Variants in GPI observed in about 807,000 individuals in gnomAD.
The protein encoded by GPI is D-hexose-6-phosphate anomerase.
Under a neutral mutation model 75.8 loss-of-function variants are expected in GPI, and 56 were observed. That is an observed-to-expected ratio of 0.74 (90% CI 0.60 to 0.92). The LOEUF is 0.92. Among genes scored for constraint, GPI ranks in the 40% least tolerant of loss-of-function variants. GPI has a pLI of 0.00. For synonymous variants in GPI, 288 were observed against 285.4 expected, an observed-to-expected ratio of 1.01 and a Z score of -0.09; for missense variants, 638 against 741.0, an observed-to-expected ratio of 0.86 and a Z score of 1.61.
intron 4 of GPI, 74 bp from the exon 5 acceptor site, chr19:34,377,429 G>A (rs978689269): frequency 2.0e-5 from 22 of 1,083,910 alleles, no homozygotes; most frequent in Non-Finnish European, 2.8e-5. Context: ...ACCAGGACAC[G>A]GCAGTAATGA....
At chr19:34,362,047 G>A (rs866318618), upstream of GPI, among the ~76,000 whole-genome samples, 2 of 151,120 alleles carry the variant, frequency 1.3e-5, no homozygotes, top group Non-Finnish European at 2.9e-5. Context: ...CCAGGGAGTC[G>A]GAGGTTGCAG....
Position 34,396,421 on chromosome 19 carries a change from A to G in GPI, c.1183A>G (p.Ile395Val), listed in dbSNP as rs1387615709. 1.2e-6 allele frequency: 2 copies of G among 1,613,494 alleles called. No homozygotes were observed. The highest frequency in any genetic ancestry group is 1.1e-5 in the South Asian group (1 of 91,056). The change falls in exon 13 of 18, where the codon ATC becomes GTC. Residue 395 changes from isoleucine (I) to valine (V), a missense_variant. Ile to Val is a conservative substitution (Grantham distance 29, BLOSUM62 3). Transcript: ENST00000356487. The part of the protein sequence containing the change: ...TNGQHAFYQL[I>V]HQGTKMIPCD... ...TGGCCAGCATGCTTTTTACCAGCTC[A>G]TCCACCAAGGTAGGCCCCTGTGGCC... is the stretch of plus-strand genomic sequence containing the variant.
chr19:34,362,089 T>C (rs1051526406), upstream of GPI, among the ~76,000 whole-genome samples: 12 of 133,810 alleles, frequency 9.0e-5, no homozygotes, highest in African/African-American at 3.5e-4. Flanking sequence ...CACTCTGGCC[T>C]GGTGATAGAG....
intron 9 of GPI, among the ~76,000 whole-genome samples, chr19:34,387,323 A>G (rs2074751267): frequency 6.6e-6 from 1 of 152,258 alleles, no homozygotes; most frequent in Non-Finnish European, 1.5e-5. Flanking sequence ...CTGCCGATGC[A>G]GGCTCAGTGC....
chr19:34,381,964 T>C (rs748693165), intron 9 of GPI, among the ~76,000 whole-genome samples: 27 of 152,066 alleles, frequency 1.8e-4, no homozygotes, highest in Non-Finnish European at 3.2e-4. Context: ...GGGGGTGGCG[T>C]AGAGGAGGCG....
chr19:34,369,587 A>G (rs944193680), intron 4 of GPI, among the ~76,000 whole-genome samples: 3 of 152,010 alleles, frequency 2.0e-5, no homozygotes, highest in Admixed American at 6.6e-5. Flanking sequence ...TACGCCTGCA[A>G]TCCCAGCTAC....
chr19:34,394,006 G>T lies in GPI; in HGVS notation c.1002G>T (p.Glu334Asp). The T allele has an allele frequency of 6.2e-7, 1 of 1,613,148 alleles. No homozygotes were observed. ...GGTACATCAACTGCTTTGGGTGTGA[G>T]ACACACGCCATGCTGCCCTATGACC... ...GIWYINCFGC[E>D]THAMLPYDQY... The change falls in exon 12 of 18, where the codon GAG becomes GAT. Residue 334 changes from glutamate (E) to aspartate (D), a missense_variant. Transcript: ENST00000356487.
rs1568333203 is a variant in GPI at position 34,377,333 on chromosome 19, A to T, written c.403-170A>T. ...AAAAAAAAAAAAAAAAAAAAAAAAA[A>T]AAAATATATATATATATATATATAT... is the stretch of plus-strand genomic sequence containing the variant. On this transcript the variant is annotated intron_variant, in intron 4 of 17. Coordinates refer to ENST00000356487, the MANE Select transcript of GPI (RefSeq NM_000175.5). Among the ~76,000 whole-genome samples the T allele has an allele frequency of 3.5e-5, 3 of 86,664 alleles. 1 individual carries two copies. Among genetic ancestry groups the T allele is most frequent in the Non-Finnish European group, 6.2e-5 (3 of 48,460 alleles). 56.9% of individuals were successfully genotyped at this position (86,664 alleles called of 152,430 possible).
At chr19:34,398,669 T>G (rs2074978303) in intron 14 of GPI, 1 of 153,102 alleles carries the variant, frequency 6.5e-6, no homozygotes, top group South Asian at 2.1e-4. Flanking sequence ...AGATAGATGT[T>G]GGTAAAATTG....
At position 34,399,616 on chromosome 19, in the gene GPI, C is replaced by T. The variant is rs374583873; in HGVS notation, c.1459C>T (p.Leu487Phe). The change falls in exon 16 of 18, where the codon CTT becomes TTT. Residue 487 changes from leucine (L) to phenylalanine (F), a missense_variant. Physicochemically the swap from Leu to Phe is conservative, Grantham distance 22. Coordinates refer to ENST00000356487, the MANE Select transcript of GPI (RefSeq NM_000175.5). The stretch of plus-strand genomic sequence containing the variant: ...GTTCACCAAGCTCACACCATTCATG[C>T]TTGGAGCCTTGGTCGGTGAGTGAGT... ...IVFTKLTPFM[L>F]GALVAMYEHK... 6.2e-7 allele frequency: 1 copy of T among 1,614,158 alleles called. No individual in the cohort carries two copies. Among genetic ancestry groups the T allele is most frequent in the Non-Finnish European group, 8.5e-7 (1 of 1,180,010 alleles).
Position 34,393,837 on chromosome 19 carries a change from C to T in GPI, c.909+66C>T, listed in dbSNP as rs754588714. Reference sequence around the variant, plus strand: ...GGCGCGTGTGTTGGTCCTGGTCCCCCGCTTTCTCCCCCACTGTCCTGTCCC... The same window carrying T: ...GGCGCGTGTGTTGGTCCTGGTCCCCTGCTTTCTCCCCCACTGTCCTGTCCC... On this transcript the variant is annotated intron_variant, in intron 11 of 17. Coordinates refer to ENST00000356487, the MANE Select transcript of GPI (RefSeq NM_000175.5). This position sits in a 1 kb window ranked among gnomAD's most constrained non-coding sequence, Gnocchi z 4.4. 121 of 1,603,152 alleles carry T rather than the reference C, an allele frequency of 7.5e-5. 1 individual carries two copies. The highest frequency in any genetic ancestry group is 5.2e-4 in the Admixed American group (31 of 60,008).
intron 15 of GPI, 93 bp downstream of exon 15, chr19:34,399,428 G>A (rs997962211): frequency 6.3e-6 from 10 of 1,583,336 alleles, no homozygotes; most frequent in Middle Eastern, 1.7e-4. Context: ...TGCCTGGCTT[G>A]TCCTACAGAA....
chr19:34,383,375 T>G (rs773334443), intron 9 of GPI, among the ~76,000 whole-genome samples: 2 of 152,110 alleles, frequency 1.3e-5, no homozygotes, highest in African/African-American at 4.8e-5. Context: ...GCCAAAGCTA[T>G]GTATGTGCAT....
In GPI at chr19:34,365,550, T is replaced by G; in HGVS notation, c.122+162T>G. ...CCGAGTCCGCACTTCGTCCTTGGAG[T>G]CTCCTTGGAGTGCGTTCCTGGGGGC... On this transcript the variant is annotated intron_variant, in intron 1 of 17. Coordinates refer to ENST00000356487, the MANE Select transcript of GPI (RefSeq NM_000175.5). 4.2e-6 allele frequency: 5 copies of G among 1,202,906 alleles called. No individual in the cohort carries two copies. In the South Asian group the frequency reaches 6.5e-5, roughly 16 times the overall value. The allele number at this position is 1,202,906 out of a possible 1,614,324, so 74.5% of individuals were successfully genotyped here. A position where few individuals can be genotyped will look rare whatever the true frequency, so the allele number is the denominator to read the frequency against.
Position 34,400,666 on chromosome 19 carries a change from A to G in GPI, c.*630A>G. On this transcript the variant is annotated 3_prime_UTR_variant, in exon 18 of 18. Transcript: ENST00000356487. Reference sequence around the variant, plus strand: ...GGTGAATTCCTGGACAAGACCGAGGATGACTGCCATCTCCTGGCAAGACGC... The same window carrying G: ...GGTGAATTCCTGGACAAGACCGAGGGTGACTGCCATCTCCTGGCAAGACGC... 1 of 404,724 alleles carries G rather than the reference A, an allele frequency of 2.5e-6. No homozygotes were observed. The highest frequency in any genetic ancestry group is 3.5e-5 in the East Asian group (1 of 28,252). 25.1% of individuals were successfully genotyped at this position (404,724 alleles called of 1,614,324 possible). A position where few individuals can be genotyped will look rare whatever the true frequency, so the allele number is the denominator to read the frequency against.
At chr19:34,364,702 C>T, upstream of GPI, 1 of 390,196 alleles carries the variant, frequency 2.6e-6, no homozygotes, top group Non-Finnish European at 4.6e-6. Context: ...TTAATTGCAA[C>T]CCCGATTCTC....
At chr19:34,375,166 G>A (rs1400262505) in intron 4 of GPI, among the ~76,000 whole-genome samples, 6 of 140,148 alleles carry the variant, frequency 4.3e-5, no homozygotes, top group Admixed American at 3.5e-4. Context: ...TTTTTAAGAC[G>A]GAGTCTTGCT....
intron 6 of GPI, 70 bp downstream of exon 6, chr19:34,377,951 C>G (rs2074575548): frequency 2.0e-6 from 3 of 1,531,660 alleles, no homozygotes; most frequent in Admixed American, 1.7e-5. Context: ...AGCTGTCTTG[C>G]CATCCCCCTG....
At chr19:34,397,229 G>A (rs2074959088) in intron 14 of GPI, 1 of 159,720 alleles carries the variant, frequency 6.3e-6, no homozygotes, top group African/African-American at 2.4e-5. Context: ...GACCTTAGGG[G>A]AAAAGCCTTT....
Sources: gnomAD v4.1 joint callset for allele counts (sites outside exome capture counted in the v4.1 genomes callset) on GRCh38, gnomAD v4.1.1 for gene constraint, Gnocchi (gnomAD v3.1) non-coding constraint, MANE v1.5 for transcripts, NCBI Gene and HGNC (gene_info 2026-07-23, HGNC 2026-07-21) for gene names.